Variants in ABCA12 observed in about 807,000 individuals in gnomAD.
The protein encoded by ABCA12 is glucosylceramide transporter ABCA12.
In ABCA12, 156 loss-of-function variants were observed where a neutral mutation model predicts 293.5. The ratio of observed to expected loss-of-function variants is 0.53; its 90% confidence interval spans 0.47 to 0.61. ABCA12 has a LOEUF of 0.61. Ranked by LOEUF, ABCA12 falls within the 20% of genes least tolerant of loss-of-function variation. The pLI is 0.00. For missense variants in ABCA12, 2,797 were observed against 3,090.2 expected (o/e 0.91, Z 2.25); for synonymous variants, 1,063 against 1,108.0 (o/e 0.96, Z 0.81).
In ABCA12 at chr2:214,932,750, T is replaced by C; in HGVS notation, c.7681-9A>G. On this transcript the variant is annotated splice_polypyrimidine_tract_variant and intron_variant, in intron 52 of 52. Transcript: ENST00000272895. ...GCAAAGTTGATGAAAACCTGATTTT[T>C]CAGGGAAAATAAAGCCATTAATGCC... is the stretch of plus-strand genomic sequence containing the variant. The C allele has an allele frequency of 6.2e-7, 1 of 1,606,686 alleles. No individual in the cohort carries two copies. Among genetic ancestry groups the C allele is most frequent in the Non-Finnish European group, 8.5e-7 (1 of 1,173,546 alleles).
intron 33 of ABCA12, among the ~76,000 whole-genome samples, chr2:214,976,839 T>G (rs1197896399): frequency 6.6e-6 from 1 of 152,198 alleles, no homozygotes; most frequent in African/African-American, 2.4e-5. Flanking sequence ...CTGTGGCTAA[T>G]AATTTCAGCA....
chr2:214,980,754 A>G, intron 30 of ABCA12, 111 bp from the exon 31 acceptor site: 2 of 1,393,654 alleles, frequency 1.4e-6, no homozygotes, highest in South Asian at 2.4e-5. Context: ...GTCACATTTC[A>G]TGAGCTAACT....
At position 214,958,372 on chromosome 2, in the gene ABCA12, C is replaced by T. The variant is rs575899601; in HGVS notation, c.6022G>A (p.Val2008Ile). 2 of 1,613,992 alleles carry T rather than the reference C, an allele frequency of 1.2e-6. No homozygotes were observed. Among genetic ancestry groups the T allele is most frequent in the East Asian group, 2.2e-5 (1 of 44,862 alleles). Residue 2008 changes from valine (V) to isoleucine (I), a missense_variant, in exon 41 of 53, where the codon GTT becomes ATT. Around this residue, in one of 3 missense-constraint regions of ABCA12, gnomAD observed 2,130 missense variants for 2,427.0 expected, o/e 0.88. Coordinates refer to ENST00000272895, the MANE Select transcript of ABCA12 (RefSeq NM_173076.3). ...SVTTASFVTY[V>I]VREHQTKAKQ... ...GCTTTGGTTTGATGTTCCCTTACAA[C>T]ATAGGTGACAAAGCTGGCGGTGGTG...
chr2:214,951,110 T>C (rs1472051885), intron 44 of ABCA12, 27 bp from the exon 45 acceptor site: 1 of 1,593,192 alleles, frequency 6.3e-7, no homozygotes, highest in Admixed American at 1.7e-5. Flanking sequence ...TGATTTTACG[T>C]CAATGATTTT....
chr2:214,993,515 G>C (rs1699971187), intron 23 of ABCA12, among the ~76,000 whole-genome samples: 1 of 152,132 alleles, frequency 6.6e-6, no homozygotes, highest in Admixed American at 6.6e-5. Flanking sequence ...TGATATGTTA[G>C]TCCTTTTTAT....
intron 39 of ABCA12, among the ~76,000 whole-genome samples, chr2:214,965,893 C>T (rs1335809569): frequency 6.6e-6 from 1 of 151,988 alleles, no homozygotes; most frequent in Admixed American, 6.6e-5. Context: ...ACATATATAC[C>T]CAAAGGAATA....
intron 19 of ABCA12, 21 bp downstream of exon 19, chr2:215,007,706 A>G (rs770136714): frequency 6.2e-7 from 1 of 1,613,820 alleles, no homozygotes; most frequent in Non-Finnish European, 8.5e-7. Flanking sequence ...TACTAAGTTG[A>G]ATGACAGAAG....
In ABCA12 at chr2:215,011,504, T is replaced by A. The variant is rs372688749; in HGVS notation, c.2267A>T (p.Asp756Val). The change falls in exon 17 of 53, where the codon GAT becomes GTT. Residue 756 changes from aspartate to valine, a missense_variant. By Grantham distance (152) the Asp-to-Val change is radical (BLOSUM62 -3). Transcript: ENST00000272895. The part of the protein sequence containing the change: ...SQRPKGNHTK[D>V]FLTYKLTKEQ... ...TTTAGTTAATTTATAAGTCAAAAAA[T>A]CCTTGGTGTGGTTGCCTTTTGGCCT... is the stretch of plus-strand genomic sequence containing the variant. The A allele has an allele frequency of 5.2e-5, 84 of 1,613,948 alleles. No individual in the cohort carries two copies. The highest frequency in any genetic ancestry group is 6.7e-5 in the Non-Finnish European group (79 of 1,179,920).
At chr2:215,122,287 A>G (rs999320493) in intron 1 of ABCA12, among the ~76,000 whole-genome samples, 1 of 152,184 alleles carries the variant, frequency 6.6e-6, no homozygotes, top group Non-Finnish European at 1.5e-5. Flanking sequence ...TCAAGCAATT[A>G]AAAGGGATTA....
At chr2:215,083,938 T>C (rs556738151) in intron 2 of ABCA12, among the ~76,000 whole-genome samples, 2 of 152,302 alleles carry the variant, frequency 1.3e-5, no homozygotes, top group East Asian at 3.9e-4. Context: ...TCTTTCTTCC[T>C]TTTATCTTTT....
chr2:214,950,396 G>A (rs1248696135), intron 45 of ABCA12, among the ~76,000 whole-genome samples: 2 of 133,366 alleles, frequency 1.5e-5, no homozygotes, highest in African/African-American at 7.8e-5. Flanking sequence ...GTGTGTGTGT[G>A]TGTGTGTGTG....
chr2:215,063,314 A>G (rs1479669502), intron 3 of ABCA12, among the ~76,000 whole-genome samples: 1 of 152,040 alleles, frequency 6.6e-6, no homozygotes, highest in Non-Finnish European at 1.5e-5. Flanking sequence ...ACGATTATAG[A>G]TAAATATAAT....
intron 47 of ABCA12, 78 bp downstream of exon 47, chr2:214,948,518 G>A: frequency 6.8e-7 from 1 of 1,478,060 alleles, no homozygotes; most frequent in Non-Finnish European, 9.3e-7. Flanking sequence ...AGGGGGGACA[G>A]TGGGTGTGGT....
At chr2:215,044,133 G>A (rs959166760) in intron 7 of ABCA12, among the ~76,000 whole-genome samples, 1 of 152,022 alleles carries the variant, frequency 6.6e-6, no homozygotes, top group Non-Finnish European at 1.5e-5. Context: ...CAGCATACAA[G>A]TCTTCATATA....
chr2:215,136,625 C>T (rs1419552163), intron 1 of ABCA12, among the ~76,000 whole-genome samples: 2 of 152,146 alleles, frequency 1.3e-5, no homozygotes, highest in African/African-American at 4.8e-5. Flanking sequence ...TGGATTTCTT[C>T]CTTTTACCCA....
At chr2:215,058,394 A>C (rs1701462212) in intron 3 of ABCA12, among the ~76,000 whole-genome samples, 1 of 152,006 alleles carries the variant, frequency 6.6e-6, no homozygotes, top group African/African-American at 2.4e-5. Context: ...ATGACAGATA[A>C]TGGAATTATT....
intron 11 of ABCA12, among the ~76,000 whole-genome samples, chr2:215,020,212 T>A (rs925193680): frequency 2.1e-5 from 3 of 144,646 alleles, no homozygotes; most frequent in African/African-American, 2.5e-5. Context: ...GACTACTATT[T>A]AAAAAAAAAA....
At chr2:215,111,576 A>G in intron 2 of ABCA12, 21 bp downstream of exon 2, 2 of 1,562,578 alleles carry the variant, frequency 1.3e-6, no homozygotes, top group Non-Finnish European at 1.8e-6. Context: ...TTAAGGAAAT[A>G]AACAAATGTC....
In ABCA12 at chr2:215,019,534, A is replaced by T. The variant is rs1453072099; in HGVS notation, c.1544+6T>A. ...CACCAAGGAAGAAGACAATGGAAAAACTTACTGATCCATATTTAAATTAAT... is the reference window on the plus strand; with the variant it reads ...CACCAAGGAAGAAGACAATGGAAAATCTTACTGATCCATATTTAAATTAAT... On this transcript the variant is annotated splice_donor_region_variant and intron_variant, in intron 12 of 52. Coordinates refer to ENST00000272895, the MANE Select transcript of ABCA12 (RefSeq NM_173076.3). The T allele has an allele frequency of 6.2e-7, 1 of 1,614,204 alleles. No homozygotes were observed. The highest frequency in any genetic ancestry group is 1.3e-5 in the African/African-American group (1 of 75,052).
Sources: gnomAD v4.1 joint callset for allele counts (sites outside exome capture counted in the v4.1 genomes callset) on GRCh38, gnomAD v4.1.1 for gene constraint, gnomAD v4.1.1 regional missense constraint, MANE v1.5 for transcripts, NCBI Gene and HGNC (gene_info 2026-07-23, HGNC 2026-07-21) for gene names.